Variants in GPRIN3 observed in about 807,000 individuals in gnomAD.
GPRIN3 encodes the protein G protein-regulated inducer of neurite outgrowth 3.
In GPRIN3, 12 loss-of-function variants were observed where a neutral mutation model predicts 13.7. The observed-to-expected ratio is 0.87, with a 90% confidence interval of 0.56 to 1.42. The LOEUF is 1.42. Ranked by LOEUF, GPRIN3 falls within the 40% of genes most tolerant of loss-of-function variation. GPRIN3 has a pLI of 0.00. For missense variants in GPRIN3, 1,009 were observed against 958.7 expected, an observed-to-expected ratio of 1.05 and a Z score of -0.69; for synonymous variants, 377 against 372.7, an observed-to-expected ratio of 1.01 and a Z score of -0.13.
intron 1 of GPRIN3, among the ~76,000 whole-genome samples, chr4:89,258,560 T>C (rs1723544845): frequency 2.0e-5 from 3 of 152,086 alleles, no homozygotes; most frequent in Non-Finnish European, 2.9e-5. Context: ...TGGAAAATCA[T>C]GGAAAAATGT....
At chr4:89,293,060 A>G (rs1724626777) in intron 1 of GPRIN3, among the ~76,000 whole-genome samples, 1 of 152,198 alleles carries the variant, frequency 6.6e-6, no homozygotes, top group Non-Finnish European at 1.5e-5. Context: ...CAGTTTTTGA[A>G]TGGAATTAAA....
At chr4:89,290,028 G>A (rs1228831665) in intron 1 of GPRIN3, among the ~76,000 whole-genome samples, 2 of 151,408 alleles carry the variant, frequency 1.3e-5, no homozygotes, top group Admixed American at 6.6e-5. Flanking sequence ...TTTTGAGACA[G>A]GGACTCACTC....
chr4:89,288,797 G>A (rs1724494133), intron 1 of GPRIN3, among the ~76,000 whole-genome samples: 1 of 152,150 alleles, frequency 6.6e-6, no homozygotes, highest in Admixed American at 6.5e-5. Flanking sequence ...CGTTAAAAAT[G>A]AGAATAAATT....
At position 89,245,186 on chromosome 4, in the gene GPRIN3, C is replaced by T. The variant is rs796087683; in HGVS notation, c.*2594G>A. 2 of 152,124 alleles carry T rather than the reference C, an allele frequency of 1.3e-5. No individual in the cohort carries two copies. The highest frequency in any genetic ancestry group is 4.1e-4 in the South Asian group (2 of 4,828). The allele number at this position is 152,124 out of a possible 1,614,324, so 9.4% of individuals were successfully genotyped here. On this transcript the variant is annotated 3_prime_UTR_variant, in exon 2 of 2. Coordinates refer to ENST00000609438, the MANE Select transcript of GPRIN3 (RefSeq NM_198281.3). ...TTGAATAGGTCCCTATCTTATTTAT[C>T]CATCTGAAGATATATTTCTGTTAAT...
In GPRIN3 at chr4:89,245,071, T is replaced by A. The variant is rs1422037209; in HGVS notation, c.*2709A>T. The stretch of plus-strand genomic sequence containing the variant: ...GGTATACTAAATGCCTAATGCTATG[T>A]CACAGATTGAAGTGAAGGAAAATTC... On this transcript the variant is annotated 3_prime_UTR_variant, in exon 2 of 2. Coordinates refer to ENST00000609438, the MANE Select transcript of GPRIN3 (RefSeq NM_198281.3). 2.0e-5 allele frequency: 3 copies of A among 152,238 alleles called. No homozygotes were observed. Among genetic ancestry groups the A allele is most frequent in the Non-Finnish European group, 4.4e-5 (3 of 68,044 alleles). 9.4% of individuals were successfully genotyped at this position (152,238 alleles called of 1,614,324 possible). A position where few individuals can be genotyped will look rare whatever the true frequency, so the allele number is the denominator to read the frequency against.
intron 1 of GPRIN3, among the ~76,000 whole-genome samples, chr4:89,272,461 T>C (rs1003659167): frequency 2.0e-5 from 3 of 152,230 alleles, no homozygotes; most frequent in African/African-American, 7.2e-5. Context: ...ACTGCACTTA[T>C]CAGTTTAGAA....
intron 1 of GPRIN3, among the ~76,000 whole-genome samples, chr4:89,273,661 G>A (rs1724019438): frequency 6.6e-6 from 1 of 152,250 alleles, no homozygotes; most frequent in Admixed American, 6.5e-5. Context: ...ACTCCAGCTT[G>A]GGTGACAGAG....
intron 1 of GPRIN3, among the ~76,000 whole-genome samples, chr4:89,289,614 C>T (rs988197087): frequency 2.6e-5 from 4 of 152,102 alleles, no homozygotes; most frequent in East Asian, 3.9e-4. Context: ...GTTTCAGAAA[C>T]GTATGAGTTT....
chr4:89,248,096 T>G lies in GPRIN3; in HGVS notation c.2015A>C (p.Lys672Thr). 2 of 1,614,166 alleles carry G rather than the reference T, an allele frequency of 1.2e-6. No homozygotes were observed. Among genetic ancestry groups the G allele is most frequent in the Non-Finnish European group, 1.7e-6 (2 of 1,180,014 alleles). ...DKKKQLGADS[K>T]LQLKQSKRVR... ...ACGCTTGGACTGTTTCAGCTGGAGC[T>G]TGGAGTCTGCGCCAAGCTGCTTTTT... Residue 672 changes from lysine to threonine, a missense_variant, in exon 2 of 2, where the codon AAG becomes ACG. Transcript: ENST00000609438.
At position 89,256,858 on chromosome 4, in the gene GPRIN3, T is replaced by C. The variant is rs182592425; in HGVS notation, c.-123-6625A>G. Reference sequence around the variant, plus strand: ...AAAAGAGTAAAGAAAAAACATCATCTGGCATCCTATTCAATCTGATCTAAT... The same window carrying C: ...AAAAGAGTAAAGAAAAAACATCATCCGGCATCCTATTCAATCTGATCTAAT... On this transcript the variant is annotated intron_variant, in intron 1 of 1. Transcript: ENST00000609438. Among the ~76,000 whole-genome samples, 145 of 152,330 alleles carry C rather than the reference T, an allele frequency of 9.5e-4. 1 individual carries two copies. The highest frequency in any genetic ancestry group is 3.4e-3 in the African/African-American group (141 of 41,568).
chr4:89,236,870 G>T lies in GPRIN3; in HGVS notation c.*10910C>A, dbSNP rs994661505. 6.6e-6 allele frequency: 1 copy of T among 152,148 alleles called. No individual in the cohort carries two copies. The highest frequency in any genetic ancestry group is 1.5e-5 in the Non-Finnish European group (1 of 68,026). The allele number at this position is 152,148 out of a possible 1,614,324, so 9.4% of individuals were successfully genotyped here. ...CTAAGGTTGAGACATAGATGGAAGTGCCCAGCAAAACGTCTGGCACAAAGG... is the reference window on the plus strand; with the variant it reads ...CTAAGGTTGAGACATAGATGGAAGTTCCCAGCAAAACGTCTGGCACAAAGG... On this transcript the variant is annotated 3_prime_UTR_variant, in exon 2 of 2. Transcript: ENST00000609438.
At chr4:89,274,423 G>A (rs561974958) in intron 1 of GPRIN3, among the ~76,000 whole-genome samples, 2 of 152,110 alleles carry the variant, frequency 1.3e-5, no homozygotes, top group Non-Finnish European at 2.9e-5. Flanking sequence ...CAGGGGGTTC[G>A]TGACGTCAAA....
rs1180407818 is a variant in GPRIN3 at position 89,248,520 on chromosome 4, T to G, written c.1591A>C (p.Asn531His). 6.2e-7 allele frequency: 1 copy of G among 1,613,424 alleles called. No individual in the cohort carries two copies. The highest frequency in any genetic ancestry group is 1.7e-5 in the Admixed American group (1 of 59,986). The change falls in exon 2 of 2, where the codon AAT becomes CAT. Residue 531 changes from asparagine (N) to histidine (H), a missense_variant. Physicochemically the swap from Asn to His is moderately conservative, Grantham distance 68. Transcript: ENST00000609438. ...TTCTTTTCCCTTGCATCTCCTTTAT[T>G]AGTGGGATCCAAGCTCCCAGAATGA... ...ADHSGSLDPT[N>H]KGDAREKKPA... is the part of the protein sequence containing the mutation.
Position 89,247,603 on chromosome 4 carries a change from C to T in GPRIN3, c.*177G>A. 1.9e-6 allele frequency: 1 copy of T among 529,570 alleles called. No individual in the cohort carries two copies. Among genetic ancestry groups the T allele is most frequent in the Admixed American group, 3.7e-5 (1 of 26,734 alleles). The allele number at this position is 529,570 out of a possible 1,614,324, so 32.8% of individuals were successfully genotyped here. A position where few individuals can be genotyped will look rare whatever the true frequency, so the allele number is the denominator to read the frequency against. On this transcript the variant is annotated 3_prime_UTR_variant, in exon 2 of 2. Transcript: ENST00000609438. ...TGTTCCTTCTTTCAAATTGAAATGA[C>T]ATTTTTGTTTATAGAGCTCCAGGTC...
chr4:89,258,733 T>A (rs932866982), intron 1 of GPRIN3, among the ~76,000 whole-genome samples: 3 of 152,230 alleles, frequency 2.0e-5, no homozygotes, highest in African/African-American at 2.4e-5. Context: ...GAGTCCTTCC[T>A]GTACTTGCCA....
rs1553951334 is a variant in GPRIN3 at position 89,270,573 on chromosome 4, A to ATATATATTTATATATGTATATAATT, written c.-123-20341_-123-20340insAATTATATACATATATAAATATATA. On this transcript the variant is annotated intron_variant, in intron 1 of 1. Coordinates refer to ENST00000609438, the MANE Select transcript of GPRIN3 (RefSeq NM_198281.3). ...TTATATATGTATATAATTTATATAT[A>ATATATATTTATATATGTATATAATT]TATATATATATATATATATATATAT... 1.5e-3 allele frequency among the ~76,000 whole-genome samples: 142 copies of ATATATATTTATATATGTATATAATT among 95,518 alleles called. 1 individual carries two copies. The highest frequency in any genetic ancestry group is 8.9e-3 in the African/African-American group (134 of 15,120). 62.7% of individuals were successfully genotyped at this position (95,518 alleles called of 152,430 possible). A position where few individuals can be genotyped will look rare whatever the true frequency, so the allele number is the denominator to read the frequency against.
chr4:89,269,881 C>T (rs543904797), intron 1 of GPRIN3, among the ~76,000 whole-genome samples: 12 of 152,262 alleles, frequency 7.9e-5, no homozygotes, highest in Middle Eastern at 3.4e-3. Context: ...TCACACTAAG[C>T]TTTAAATCAA....
chr4:89,260,987 A>T (rs182443758), intron 1 of GPRIN3, among the ~76,000 whole-genome samples: 4 of 152,322 alleles, frequency 2.6e-5, no homozygotes, highest in African/African-American at 9.6e-5. Flanking sequence ...AAACAGAATT[A>T]AAGTGTTGTA....
In GPRIN3 at chr4:89,236,896, C is replaced by T. The variant is rs532221802; in HGVS notation, c.*10884G>A. 11 of 152,274 alleles carry T rather than the reference C, an allele frequency of 7.2e-5. No homozygotes were observed. The highest frequency in any genetic ancestry group is 2.6e-4 in the African/African-American group (11 of 41,546). 9.4% of individuals were successfully genotyped at this position (152,274 alleles called of 1,614,324 possible). A position where few individuals can be genotyped will look rare whatever the true frequency, so the allele number is the denominator to read the frequency against. On this transcript the variant is annotated 3_prime_UTR_variant, in exon 2 of 2. Coordinates refer to ENST00000609438, the MANE Select transcript of GPRIN3 (RefSeq NM_198281.3). ...CCCAGCAAAACGTCTGGCACAAAGGCATTATTTTTTGTTTTGGCTTTGGGC... is the reference window on the plus strand; with the variant it reads ...CCCAGCAAAACGTCTGGCACAAAGGTATTATTTTTTGTTTTGGCTTTGGGC...
Sources: gnomAD v4.1 joint callset for allele counts (sites outside exome capture counted in the v4.1 genomes callset) on GRCh38, gnomAD v4.1.1 for gene constraint, MANE v1.5 for transcripts, NCBI Gene and HGNC (gene_info 2026-07-23, HGNC 2026-07-21) for gene names.